Variants in CTNND2 observed in about 807,000 individuals in gnomAD.
The protein encoded by CTNND2 is catenin delta-2.
Under a neutral mutation model 144.4 loss-of-function variants are expected in CTNND2, and 22 were observed. The ratio of observed to expected loss-of-function variants is 0.15; its 90% CI spans 0.11 to 0.22. The LOEUF (loss-of-function observed/expected upper bound fraction) is 0.22, where lower values mean the gene tolerates loss of function less well. Among genes scored for constraint, CTNND2 ranks in the 10% least tolerant of loss-of-function variants. The pLI is 1.00. For synonymous variants in CTNND2, 751 were observed against 695.6 expected (o/e 1.08, Z -1.25); for missense variants, 1,353 against 1,618.8 (o/e 0.84, Z 2.82).
intron 12 of CTNND2, among the ~76,000 whole-genome samples, chr5:11,142,658 G>A (rs946067310): frequency 1.4e-5 from 2 of 146,284 alleles, no homozygotes; most frequent in East Asian, 4.0e-4. Context: ...CTGTCACCCA[G>A]GCTGGAGTGC....
chr5:11,370,091 T>C (rs943198482), intron 7 of CTNND2, among the ~76,000 whole-genome samples: 2 of 152,038 alleles, frequency 1.3e-5, no homozygotes, highest in Non-Finnish European at 2.9e-5. Flanking sequence ...ACATTTTTAT[T>C]AGAAGGATTT....
At chr5:11,599,786 T>C (rs1032130001) in intron 2 of CTNND2, among the ~76,000 whole-genome samples, 1 of 152,158 alleles carries the variant, frequency 6.6e-6, no homozygotes, top group Non-Finnish European at 1.5e-5. Context: ...AAGCTTGCTA[T>C]TCTGGTGATG....
chr5:11,645,299 C>T (rs539526016), intron 2 of CTNND2, among the ~76,000 whole-genome samples: 8 of 152,206 alleles, frequency 5.3e-5, no homozygotes, highest in African/African-American at 1.9e-4. Flanking sequence ...AAACTGCAAG[C>T]TAGAATGGTT....
At chr5:11,127,518 C>T (rs1321799860) in intron 12 of CTNND2, among the ~76,000 whole-genome samples, 5 of 152,232 alleles carry the variant, frequency 3.3e-5, no homozygotes, top group Admixed American at 1.3e-4. Flanking sequence ...CTTTTTCTGA[C>T]ATCTGACCCG....
intron 1 of CTNND2, among the ~76,000 whole-genome samples, chr5:11,776,644 A>G (rs928749318): frequency 6.6e-6 from 1 of 152,198 alleles, no homozygotes; most frequent in Non-Finnish European, 1.5e-5. Flanking sequence ...CAACCTCACA[A>G]AGAGCTGATA....
chr5:11,065,519 A>G (rs769509338), intron 16 of CTNND2, among the ~76,000 whole-genome samples: 3 of 152,130 alleles, frequency 2.0e-5, no homozygotes, highest in Non-Finnish European at 4.4e-5. Flanking sequence ...GATGCTTTAG[A>G]AAAAAAATAC....
intron 1 of CTNND2, among the ~76,000 whole-genome samples, chr5:11,776,165 A>T (rs1301882258): frequency 6.6e-6 from 1 of 152,188 alleles, no homozygotes. Flanking sequence ...ATTGGTTACA[A>T]CAGTAGTAGG....
In CTNND2 at chr5:11,412,056, G is replaced by T. The variant is rs755473499; in HGVS notation, c.301C>A (p.Gln101Lys). ...TTACCTTGTGACTGCCACTGAAACTGCTCTTCTGCTGAACTGTAAAAAAGA... is the reference window on the plus strand; with the variant it reads ...TTACCTTGTGACTGCCACTGAAACTTCTCTTCTGCTGAACTGTAAAAAAGA... ...SMSSMSSAEEQFQWQSQDGQK... is the reference protein window; with the variant it reads ...SMSSMSSAEEKFQWQSQDGQK... Residue 101 changes from glutamine (Q) to lysine (K), a missense_variant, in exon 4 of 22, where the codon CAG (glutamine) becomes AAG (lysine). Transcript: ENST00000304623. The T allele has an allele frequency of 6.2e-7, 1 of 1,610,898 alleles. No individual in the cohort carries two copies. Among genetic ancestry groups the T allele is most frequent in the Non-Finnish European group, 8.5e-7 (1 of 1,177,344 alleles).
At chr5:11,747,200 A>G (rs1409198576) in intron 1 of CTNND2, among the ~76,000 whole-genome samples, 2 of 152,192 alleles carry the variant, frequency 1.3e-5, no homozygotes, top group African/African-American at 4.8e-5. Flanking sequence ...TGATGGGTTT[A>G]CCAAGCTACA....
At chr5:11,391,502 G>A (rs1759626294) in intron 6 of CTNND2, among the ~76,000 whole-genome samples, 2 of 152,276 alleles carry the variant, frequency 1.3e-5, no homozygotes, top group Admixed American at 1.3e-4. Flanking sequence ...TGTGTGCCTT[G>A]AACTTACTCC....
intron 2 of CTNND2, among the ~76,000 whole-genome samples, chr5:11,613,849 T>C (rs1277314792): frequency 6.6e-6 from 1 of 152,168 alleles, no homozygotes; most frequent in Non-Finnish European, 1.5e-5. Context: ...GACTGACAAC[T>C]TTTGCTCCCC....
intron 16 of CTNND2, among the ~76,000 whole-genome samples, chr5:11,033,147 T>C (rs1208197904): frequency 2.0e-5 from 3 of 152,324 alleles, no homozygotes; most frequent in Admixed American, 1.3e-4. Context: ...CACAGAAATA[T>C]AGAAATATGC....
chr5:11,635,271 C>A (rs754996651), intron 2 of CTNND2, among the ~76,000 whole-genome samples: 10 of 151,906 alleles, frequency 6.6e-5, no homozygotes, highest in Non-Finnish European at 1.5e-4. Context: ...TAAATGTTAT[C>A]TTTAGAAAGA....
intron 21 of CTNND2, among the ~76,000 whole-genome samples, chr5:10,977,223 T>A (rs1424032326): frequency 6.6e-6 from 1 of 152,190 alleles, no homozygotes; most frequent in South Asian, 2.1e-4. Context: ...CAATTACAAC[T>A]GGCCTGCTCA....
chr5:11,251,679 A>T lies in CTNND2; in HGVS notation c.1629-14856T>A, dbSNP rs151247208. On this transcript the variant is annotated intron_variant, in intron 9 of 21. Coordinates refer to ENST00000304623, the MANE Select transcript of CTNND2 (RefSeq NM_001332.4). Reference sequence around the variant, plus strand: ...ACAGCTGTGACCTAACCATTAATGAAAAACTTCAGCAAAATGAACAATTAT... The same window carrying T: ...ACAGCTGTGACCTAACCATTAATGATAAACTTCAGCAAAATGAACAATTAT... Among the ~76,000 whole-genome samples the T allele has an allele frequency of 9.1e-3, 1,379 of 152,360 alleles. 34 individuals carry two copies. Among genetic ancestry groups the T allele is most frequent in the Admixed American group, 0.043 (651 of 15,300 alleles).
At chr5:11,286,197 G>T (rs1747735279) in intron 9 of CTNND2, among the ~76,000 whole-genome samples, 2 of 151,968 alleles carry the variant, frequency 1.3e-5, no homozygotes, top group South Asian at 4.2e-4. Flanking sequence ...AAGACTTTTA[G>T]ACATATAAAG....
chr5:11,589,727 C>T (rs765471692), intron 2 of CTNND2, among the ~76,000 whole-genome samples: 7 of 152,138 alleles, frequency 4.6e-5, no homozygotes, highest in Admixed American at 6.5e-5. Context: ...AACATAAATT[C>T]GGCAAAGTAT....
At chr5:11,578,813 T>A (rs1222506052) in intron 2 of CTNND2, among the ~76,000 whole-genome samples, 1 of 152,196 alleles carries the variant, frequency 6.6e-6, no homozygotes, top group African/African-American at 2.4e-5. Flanking sequence ...AATACAGAGA[T>A]AGCTGGCCCA....
intron 9 of CTNND2, among the ~76,000 whole-genome samples, chr5:11,275,977 G>A (rs981875362): frequency 6.6e-6 from 1 of 152,088 alleles, no homozygotes; most frequent in Non-Finnish European, 1.5e-5. Context: ...TTAAAACATG[G>A]TCTTAGTTGT....
Sources: gnomAD v4.1 joint callset for allele counts (sites outside exome capture counted in the v4.1 genomes callset) on GRCh38, gnomAD v4.1.1 for gene constraint, MANE v1.5 for transcripts, NCBI Gene and HGNC (gene_info 2026-07-23, HGNC 2026-07-21) for gene names.